The following MYO3B variants were observed in gnomAD, a reference collection of about 807,000 sequenced individuals.
MYO3B encodes myosin-IIIb.
In MYO3B, 156 loss-of-function variants were observed where a neutral mutation model predicts 174.6. The ratio of observed to expected loss-of-function variants is 0.89; its 90% CI spans 0.78 to 1.02. MYO3B has a LOEUF of 1.02. MYO3B is among the 50% of genes least tolerant of loss of function. The probability of loss-of-function intolerance (pLI) is 0.00; values close to 1 mark genes in which losing one functional copy is unlikely to be tolerated. For missense variants in MYO3B, 1,632 were observed against 1,639.4 expected (o/e 1.00, Z 0.08); for synonymous variants, 563 against 569.1 (o/e 0.99, Z 0.15).
chr2:170,518,370 G>T (rs1202437185), intron 29 of MYO3B, among the ~76,000 whole-genome samples: 1 of 152,154 alleles, frequency 6.6e-6, no homozygotes, highest in East Asian at 1.9e-4. Context: ...CAGTTTGGAT[G>T]GTTCTAGGTT....
chr2:170,211,460 G>A (rs1405411550), intron 3 of MYO3B, among the ~76,000 whole-genome samples: 2 of 152,184 alleles, frequency 1.3e-5, no homozygotes, highest in East Asian at 3.9e-4. Context: ...AACCTCGCAG[G>A]TGAAACCAAC....
At chr2:170,264,446 C>T (rs568143787) in intron 7 of MYO3B, among the ~76,000 whole-genome samples, 2 of 152,326 alleles carry the variant, frequency 1.3e-5, no homozygotes, top group Admixed American at 6.5e-5. Context: ...ACTTTTGCCA[C>T]ATTCTACTGG....
chr2:170,192,132 C>T (rs2092547767), intron 1 of MYO3B, among the ~76,000 whole-genome samples: 1 of 151,872 alleles, frequency 6.6e-6, no homozygotes, highest in South Asian at 2.1e-4. Context: ...TTCTTCATGA[C>T]CTGGAAAACA....
intron 32 of MYO3B, among the ~76,000 whole-genome samples, chr2:170,576,086 T>G (rs556561426): frequency 1.3e-5 from 2 of 152,340 alleles, no homozygotes; most frequent in Admixed American, 6.5e-5. Context: ...TTAAAGAATT[T>G]AACAATTCAA....
chr2:170,596,994 C>T (rs1392100107), intron 32 of MYO3B, among the ~76,000 whole-genome samples: 2 of 152,154 alleles, frequency 1.3e-5, no homozygotes, highest in South Asian at 4.2e-4. Context: ...GGGGAATCTC[C>T]GTTTCAGGGA....
intron 26 of MYO3B, 134 bp downstream of exon 26, chr2:170,498,837 G>A (rs1687047205): frequency 3.2e-6 from 2 of 616,592 alleles, no homozygotes; most frequent in African/African-American, 1.8e-5. Flanking sequence ...GGTCTTTGCT[G>A]GTATTAAGTC....
intron 25 of MYO3B, among the ~76,000 whole-genome samples, chr2:170,477,104 C>T (rs1685363633): frequency 6.6e-6 from 1 of 152,228 alleles, no homozygotes; most frequent in Non-Finnish European, 1.5e-5. Flanking sequence ...CTGGTCTCAA[C>T]TGACCATTCT....
chr2:170,384,981 T>C (rs1267623638), intron 12 of MYO3B, among the ~76,000 whole-genome samples: 3 of 152,148 alleles, frequency 2.0e-5, no homozygotes, highest in Admixed American at 2.0e-4. Flanking sequence ...CTTGTGACTC[T>C]CTTTAGGTTT....
intron 6 of MYO3B, among the ~76,000 whole-genome samples, chr2:170,222,557 G>A (rs1319452362): frequency 6.6e-6 from 1 of 152,050 alleles, no homozygotes; most frequent in Non-Finnish European, 1.5e-5. Context: ...CGTAACTCCA[G>A]TCTCTGCCTT....
At chr2:170,610,031 C>T (rs1411470518) in intron 32 of MYO3B, among the ~76,000 whole-genome samples, 1 of 152,166 alleles carries the variant, frequency 6.6e-6, no homozygotes, top group Non-Finnish European at 1.5e-5. Flanking sequence ...CAACCAATGC[C>T]CACCTCAAGA....
chr2:170,571,960 C>T (rs1692463718), intron 32 of MYO3B, among the ~76,000 whole-genome samples: 1 of 152,116 alleles, frequency 6.6e-6, no homozygotes, highest in South Asian at 2.1e-4. Context: ...GTCAGTCTTT[C>T]AGTATACCAT....
chr2:170,647,069 A>T, intron 32 of MYO3B: 1 of 389,544 alleles, frequency 2.6e-6, no homozygotes, highest in Non-Finnish European at 4.8e-6. Context: ...GTCTTCTTAT[A>T]CAGCTGAGAT....
At chr2:170,610,876 G>T (rs886981583) in intron 32 of MYO3B, among the ~76,000 whole-genome samples, 5 of 152,172 alleles carry the variant, frequency 3.3e-5, no homozygotes, top group South Asian at 2.1e-4. Context: ...TTTATATATT[G>T]TGAAGCTAGT....
At chr2:170,312,620 C>T (rs1019883790) in intron 7 of MYO3B, among the ~76,000 whole-genome samples, 1 of 152,190 alleles carries the variant, frequency 6.6e-6, no homozygotes, top group Non-Finnish European at 1.5e-5. Context: ...GTGAATCCTG[C>T]GTGGAAGGCT....
intron 32 of MYO3B, among the ~76,000 whole-genome samples, chr2:170,554,264 C>T (rs1240315445): frequency 2.6e-5 from 4 of 152,210 alleles, no homozygotes; most frequent in African/African-American, 2.4e-5. Context: ...AAAACTGGTG[C>T]TCTCTGAAGG....
At chr2:170,629,899 C>T (rs1696802604) in intron 32 of MYO3B, among the ~76,000 whole-genome samples, 1 of 151,744 alleles carries the variant, frequency 6.6e-6, no homozygotes, top group African/African-American at 2.4e-5. Context: ...TGTAATTCCT[C>T]TAATGAACTC....
chr2:170,352,750 G>C (rs375711506), intron 8 of MYO3B, among the ~76,000 whole-genome samples: 1 of 152,162 alleles, frequency 6.6e-6, no homozygotes, highest in South Asian at 2.1e-4. Flanking sequence ...TATGCATGCT[G>C]GTTCTAGGAT....
intron 8 of MYO3B, among the ~76,000 whole-genome samples, chr2:170,343,073 A>C (rs1289483671): frequency 8.8e-6 from 1 of 113,110 alleles, no homozygotes; most frequent in African/African-American, 2.9e-5. Flanking sequence ...ACACACACAC[A>C]CACACCCCTC....
intron 7 of MYO3B, among the ~76,000 whole-genome samples, chr2:170,328,468 T>C (rs1009693280): frequency 2.6e-5 from 4 of 152,158 alleles, no homozygotes; most frequent in Non-Finnish European, 5.9e-5. Flanking sequence ...TTGCCCCCAC[T>C]GCTCTGAAAT....
Sources: allele counts gnomAD v4.1 joint callset (sites outside exome capture counted in the v4.1 genomes callset), GRCh38; gene constraint gnomAD v4.1.1; transcripts MANE v1.5; gene names NCBI Gene and HGNC (gene_info 2026-07-23, HGNC 2026-07-21).